Variants in NTAQ1 observed in about 807,000 individuals in gnomAD.
NTAQ1 encodes the protein protein N-terminal glutamine amidohydrolase.
Under a neutral mutation model 28.2 loss-of-function variants are expected in NTAQ1, and 21 were observed. The ratio of observed to expected loss-of-function variants is 0.74; its 90% CI spans 0.53 to 1.07. The LOEUF (loss-of-function observed/expected upper bound fraction) is 1.07, where lower values mean the gene tolerates loss of function less well. NTAQ1 is among the 50% of genes least tolerant of loss of function. The probability of loss-of-function intolerance (pLI) is 0.00; values close to 1 mark genes in which losing one functional copy is unlikely to be tolerated. For missense variants in NTAQ1, 264 were observed against 256.6 expected (o/e 1.03, Z -0.20); for synonymous variants, 105 against 90.0 (o/e 1.17, Z -0.94).
At chr8:123,419,386 A>T (rs1263297351) in intron 1 of NTAQ1, among the ~76,000 whole-genome samples, 4 of 151,996 alleles carry the variant, frequency 2.6e-5, no homozygotes, top group African/African-American at 9.7e-5. Context: ...GGTGTGAGTC[A>T]CCGTGCCCGG....
intron 1 of NTAQ1, among the ~76,000 whole-genome samples, chr8:123,420,330 C>G (rs574738818): frequency 6.6e-6 from 1 of 152,152 alleles, no homozygotes; most frequent in Admixed American, 6.6e-5. Context: ...TGATAGGTGC[C>G]TAGGTTGATT....
At chr8:123,446,346 T>G (rs1815285299), downstream of NTAQ1, among the ~76,000 whole-genome samples, 1 of 152,222 alleles carries the variant, frequency 6.6e-6, no homozygotes. Context: ...GCAAATGTTT[T>G]CTGTAAATGG....
intron 3 of NTAQ1, among the ~76,000 whole-genome samples, chr8:123,432,978 C>T (rs935723039): frequency 6.6e-6 from 1 of 152,108 alleles, no homozygotes; most frequent in Admixed American, 6.5e-5. Context: ...CTGTGCCTGT[C>T]CTCCTGTAAT....
At chr8:123,461,012 G>T (rs999628349) in intron 6 of NTAQ1, among the ~76,000 whole-genome samples, 1 of 152,194 alleles carries the variant, frequency 6.6e-6, no homozygotes, top group African/African-American at 2.4e-5. Context: ...AGTGTTTGCA[G>T]GTGGTGTATG....
rs984486731 is a variant in NTAQ1 at position 123,428,120 on chromosome 8, G to A, written c.183+97G>A. 6.0e-6 allele frequency: 5 copies of A among 837,644 alleles called. No homozygotes were observed. The African/African-American group carries it at 8.5e-5, about 14-fold the overall frequency. The allele number at this position is 837,644 out of a possible 1,614,324, so 51.9% of individuals were successfully genotyped here. ...AAAAGCTAAATATAGCATGGGTGTA[G>A]TACTCTTCTGAAGTGTGCTTTATTA... On this transcript the variant is annotated intron_variant, in intron 2 of 5. Coordinates refer to ENST00000287387, the MANE Select transcript of NTAQ1 (RefSeq NM_018024.3).
At chr8:123,464,628 C>G (rs1815919100) in intron 6 of NTAQ1, among the ~76,000 whole-genome samples, 1 of 152,170 alleles carries the variant, frequency 6.6e-6, no homozygotes, top group South Asian at 2.1e-4. Context: ...TACATATTTC[C>G]TATGGTTGAG....
rs1315502491 is a variant in NTAQ1 at position 123,416,886 on chromosome 8, C to G, written c.37C>G (p.Pro13Ala). The G allele has an allele frequency of 1.3e-6, 2 of 1,527,818 alleles. No individual in the cohort carries two copies. The highest frequency in any genetic ancestry group is 4.1e-5 in the Admixed American group (2 of 49,102). 94.6% of individuals were successfully genotyped at this position (1,527,818 alleles called of 1,614,324 possible). Residue 13 changes from proline to alanine, a missense_variant, in exon 1 of 6, where the codon CCG (proline) becomes GCG (alanine). By Grantham distance (27) the Pro-to-Ala change is conservative. Transcript: ENST00000287387. ...GNGPAAVHYQ[P>A]ASPPRDACVY... is the part of the protein sequence containing the mutation. Reference sequence around the variant, plus strand: ...TGGCCCCGCTGCTGTCCACTACCAGCCGGCCAGCCCCCCGCGGGACGCCTG... The same window carrying G: ...TGGCCCCGCTGCTGTCCACTACCAGGCGGCCAGCCCCCCGCGGGACGCCTG...
intron 1 of NTAQ1, among the ~76,000 whole-genome samples, chr8:123,424,610 GTGAT>G (rs879826710): frequency 0.36 from 54,765 of 151,656 alleles, 9,951 homozygotes; most frequent in East Asian, 0.56. Flanking sequence ...CCAACCTCAG[GTGAT>G]CCAAGGTCTT....
downstream of NTAQ1, among the ~76,000 whole-genome samples, chr8:123,471,029 T>G (rs1586975456): frequency 6.6e-6 from 1 of 151,914 alleles, no homozygotes; most frequent in Non-Finnish European, 1.5e-5. Context: ...CAGGTGATCC[T>G]CCTGCCTCAG....
In NTAQ1 at chr8:123,429,046, A is replaced by G. The variant is rs575828827; in HGVS notation, c.184-937A>G. 4.1e-4 allele frequency among the ~76,000 whole-genome samples: 63 copies of G among 152,374 alleles called. No individual in the cohort carries two copies. In the South Asian group the frequency reaches 0.012, roughly 29 times the overall value. On this transcript the variant is annotated intron_variant, in intron 2 of 5. Transcript: ENST00000287387. ...GTCAACTTACATGAAGAATTAGAAA[A>G]AGTAAGCCCTTCATATTTTGTAAAA...
At chr8:123,430,191 G>T in intron 3 of NTAQ1, 158 bp downstream of exon 3, 1 of 471,000 alleles carries the variant, frequency 2.1e-6, no homozygotes, top group Non-Finnish European at 3.8e-6. Context: ...TTTGATCTAA[G>T]GTAGAAACAC....
At position 123,441,421 on chromosome 8, in the gene NTAQ1, G is replaced by C. The variant is rs760875774; in HGVS notation, c.*6G>C. The C allele has an allele frequency of 3.1e-6, 5 of 1,599,264 alleles. No individual in the cohort carries two copies. In the Admixed American group the frequency reaches 8.4e-5, roughly 27 times the overall value. ...TTGGCAGTAAAAACTGCTGAACTTGGTCTCAAGATGTGGAACTGTGGAGAA... is the reference window on the plus strand; with the variant it reads ...TTGGCAGTAAAAACTGCTGAACTTGCTCTCAAGATGTGGAACTGTGGAGAA... On this transcript the variant is annotated 3_prime_UTR_variant, in exon 6 of 6. Coordinates refer to ENST00000287387, the MANE Select transcript of NTAQ1 (RefSeq NM_018024.3).
chr8:123,425,822 C>G (rs13256668), intron 1 of NTAQ1, among the ~76,000 whole-genome samples: 55,026 of 151,832 alleles, frequency 0.36, 10,079 homozygotes, highest in East Asian at 0.56. Context: ...CCAGCCATGG[C>G]CAACATGTGA....
At chr8:123,440,787 C>G (rs1815017375) in intron 5 of NTAQ1, among the ~76,000 whole-genome samples, 1 of 152,140 alleles carries the variant, frequency 6.6e-6, no homozygotes, top group African/African-American at 2.4e-5. Context: ...AGGTGTGAGC[C>G]AACATGCTTG....
chr8:123,460,839 AACGT>A (rs1425476830), intron 6 of NTAQ1, among the ~76,000 whole-genome samples: 12 of 152,068 alleles, frequency 7.9e-5, no homozygotes, highest in African/African-American at 2.9e-4. Flanking sequence ...GTATTGGCTG[AACGT>A]TGCAAAGGAA....
downstream of NTAQ1, among the ~76,000 whole-genome samples, chr8:123,473,634 A>G (rs1185941278): frequency 1.3e-5 from 2 of 152,220 alleles, no homozygotes; most frequent in African/African-American, 2.4e-5. Flanking sequence ...TTGAAGTCTT[A>G]GACGATGAGC....
downstream of NTAQ1, among the ~76,000 whole-genome samples, chr8:123,451,749 A>C (rs529463858): frequency 2.5e-4 from 38 of 152,284 alleles, no homozygotes; most frequent in African/African-American, 9.1e-4. Context: ...CACTCAACAA[A>C]TATTCCTCAA....
intron 3 of NTAQ1, chr8:123,435,507 A>G (rs1007413796): frequency 4.1e-6 from 4 of 985,306 alleles, no homozygotes; most frequent in East Asian, 2.3e-4. Context: ...TTTCCTCTGC[A>G]TTCACATGCA....
intron 6 of NTAQ1, chr8:123,454,894 T>C (rs1815603437): frequency 6.6e-6 from 1 of 152,246 alleles, no homozygotes; most frequent in African/African-American, 2.4e-5. Flanking sequence ...TCAGAAGCAA[T>C]GTGGGTGTCT....
Sources: allele counts gnomAD v4.1 joint callset (sites outside exome capture counted in the v4.1 genomes callset), GRCh38; gene constraint gnomAD v4.1.1; transcripts MANE v1.5; gene names NCBI Gene and HGNC (gene_info 2026-07-23, HGNC 2026-07-21).